Variants in EBF1 observed in about 807,000 individuals in gnomAD.
The protein encoded by EBF1 is EBF transcription factor 1, also known as transcription factor COE1.
In EBF1, 10 loss-of-function variants were observed where a neutral mutation model predicts 68.4. That is an observed-to-expected ratio of 0.15 (90% confidence interval 0.09 to 0.25). EBF1 has a LOEUF of 0.25. Among genes scored for constraint, EBF1 ranks in the 10% least tolerant of loss-of-function variants. EBF1 has a pLI of 1.00. For missense variants in EBF1, 509 were observed against 794.4 expected (o/e 0.64, Z 4.32); for synonymous variants, 298 against 299.8 (o/e 0.99, Z 0.06).
At chr5:158,739,396 A>C (rs905121415) in intron 10 of EBF1, among the ~76,000 whole-genome samples, 1 of 152,264 alleles carries the variant, frequency 6.6e-6, no homozygotes, top group Non-Finnish European at 1.5e-5. Context: ...TGCTCTGAAC[A>C]GCATGGCCGT....
intron 6 of EBF1, among the ~76,000 whole-genome samples, chr5:158,900,987 ATAT>A (rs1297470849): frequency 4.6e-5 from 7 of 152,240 alleles, no homozygotes; most frequent in African/African-American, 1.7e-4. Flanking sequence ...GCAACCTTAC[ATAT>A]TACTCAAGAA....
chr5:158,796,554 G>T, intron 8 of EBF1, 79 bp from the exon 9 acceptor site: 2 of 1,389,904 alleles, frequency 1.4e-6, no homozygotes, highest in Admixed American at 2.5e-5. Flanking sequence ...TGAGAAAAAG[G>T]AAAAAAAAAA....
intron 5 of EBF1, chr5:159,073,741 C>T (rs1778249560): frequency 1.1e-5 from 5 of 435,350 alleles, no homozygotes; most frequent in Non-Finnish European, 2.1e-5. Flanking sequence ...CCATGACTGC[C>T]CGCGGTGCTG....
chr5:158,953,596 G>C (rs1816476127), intron 6 of EBF1, among the ~76,000 whole-genome samples: 4 of 152,178 alleles, frequency 2.6e-5, no homozygotes, highest in Admixed American at 2.6e-4. Flanking sequence ...AGAGAGGGAA[G>C]GGAAGATTTA....
chr5:158,699,763 A>G (rs1172690217), intron 15 of EBF1, among the ~76,000 whole-genome samples: 1 of 152,198 alleles, frequency 6.6e-6, no homozygotes, highest in East Asian at 1.9e-4. Flanking sequence ...GAAACTGCAG[A>G]ATGTCTTCCA....
chr5:158,733,605 C>T (rs1038700708), intron 10 of EBF1, among the ~76,000 whole-genome samples: 10 of 152,106 alleles, frequency 6.6e-5, no homozygotes, highest in African/African-American at 2.4e-4. Context: ...ACATATTAAA[C>T]TCATTATTCA....
Position 158,821,080 on chromosome 5 carries a change from C to T in EBF1, c.778+2096G>A, listed in dbSNP as rs75215388. ...GAGGGGCACCAGAGCGTGTACTTGCCTGTCTTCTCAGCCTCCACCCAGCCC... is the reference window on the plus strand; with the variant it reads ...GAGGGGCACCAGAGCGTGTACTTGCTTGTCTTCTCAGCCTCCACCCAGCCC... On this transcript the variant is annotated intron_variant, in intron 8 of 15. Coordinates refer to ENST00000313708, the MANE Select transcript of EBF1 (RefSeq NM_024007.5). Among the ~76,000 whole-genome samples the T allele has an allele frequency of 6.8e-3, 1,036 of 152,322 alleles. 10 individuals carry two copies. Among genetic ancestry groups the T allele is most frequent in the African/African-American group, 0.023 (958 of 41,578 alleles).
chr5:158,994,913 A>G (rs1761105091), intron 6 of EBF1, among the ~76,000 whole-genome samples: 1 of 152,232 alleles, frequency 6.6e-6, no homozygotes, highest in South Asian at 2.1e-4. Context: ...TGAATTTAAC[A>G]CTTCAGAAAT....
chr5:159,074,759 T>A (rs1044802503), intron 5 of EBF1, among the ~76,000 whole-genome samples: 2 of 152,232 alleles, frequency 1.3e-5, no homozygotes, highest in African/African-American at 4.8e-5. Context: ...GAGTAAGAAC[T>A]GTATCTCCTT....
rs17056111 is a variant in EBF1 at position 158,710,942 on chromosome 5, G to A, written c.1549+1212C>T. Among the ~76,000 whole-genome samples, 320 of 152,314 alleles carry A rather than the reference G, an allele frequency of 2.1e-3. 12 individuals carry two copies. In the East Asian group the frequency reaches 0.049, roughly 24 times the overall value. Reference sequence around the variant, plus strand: ...CCAAGATGAACTTCAAAGTCAGAGCGAGATCAAGAGATTGTGAGAACACGG... The same window carrying A: ...CCAAGATGAACTTCAAAGTCAGAGCAAGATCAAGAGATTGTGAGAACACGG... On this transcript the variant is annotated intron_variant, in intron 14 of 15. Transcript: ENST00000313708.
At chr5:158,976,870 T>G (rs748931514) in intron 6 of EBF1, among the ~76,000 whole-genome samples, 2 of 152,184 alleles carry the variant, frequency 1.3e-5, no homozygotes, top group Non-Finnish European at 2.9e-5. Context: ...GCTAAAATAT[T>G]TATTAGTGAG....
chr5:158,870,972 A>T lies in EBF1; in HGVS notation c.555-30862T>A, dbSNP rs138556211. Among the ~76,000 whole-genome samples, 198 of 152,332 alleles carry T rather than the reference A, an allele frequency of 1.3e-3. 1 individual carries two copies. Among genetic ancestry groups the T allele is most frequent in the African/African-American group, 4.3e-3 (178 of 41,572 alleles). ...ACGAAGCAGCAAACTTACAATTAAA[A>T]AGTCTATAGGACAGACTGGGACCAA... is the stretch of plus-strand genomic sequence containing the variant. On this transcript the variant is annotated intron_variant, in intron 6 of 15. Coordinates refer to ENST00000313708, the MANE Select transcript of EBF1 (RefSeq NM_024007.5).
At chr5:158,709,309 T>C (rs924388817) in intron 14 of EBF1, among the ~76,000 whole-genome samples, 9 of 150,706 alleles carry the variant, frequency 6.0e-5, no homozygotes, top group Non-Finnish European at 1.0e-4. Context: ...CAACCTTAAG[T>C]CGGGGCCTAT....
intron 11 of EBF1, among the ~76,000 whole-genome samples, chr5:158,729,737 T>C (rs1176901441): frequency 6.6e-6 from 1 of 152,250 alleles, no homozygotes; most frequent in Non-Finnish European, 1.5e-5. Flanking sequence ...GAAGTGAGGT[T>C]GTTCTTGGAA....
chr5:158,851,034 A>G (rs911481395), intron 6 of EBF1, among the ~76,000 whole-genome samples: 1 of 151,958 alleles, frequency 6.6e-6, no homozygotes, highest in South Asian at 2.1e-4. Context: ...TAGAAATAAA[A>G]ATAAAATTTC....
intron 6 of EBF1, among the ~76,000 whole-genome samples, chr5:158,968,440 A>C (rs565238240): frequency 1.3e-5 from 2 of 152,236 alleles, no homozygotes; most frequent in African/African-American, 4.8e-5. Flanking sequence ...GGCAATAAAT[A>C]CAAATTATGA....
chr5:158,948,542 G>A (rs747262915), intron 6 of EBF1, among the ~76,000 whole-genome samples: 1 of 152,174 alleles, frequency 6.6e-6, no homozygotes, highest in Non-Finnish European at 1.5e-5. Flanking sequence ...CAGCTTGAAA[G>A]GGGAGAGCCA....
intron 14 of EBF1, among the ~76,000 whole-genome samples, chr5:158,710,578 G>A (rs960875212): frequency 2.6e-5 from 4 of 152,122 alleles, no homozygotes; most frequent in Non-Finnish European, 5.9e-5. Context: ...CAGATTATTT[G>A]GGGAGTTGTA....
At chr5:158,977,977 C>G (rs547628430) in intron 6 of EBF1, among the ~76,000 whole-genome samples, 2 of 152,192 alleles carry the variant, frequency 1.3e-5, no homozygotes, top group Non-Finnish European at 2.9e-5. Context: ...GATGGCCAGA[C>G]AAAGGGAAGA....
Sources: gnomAD v4.1 joint callset for allele counts (sites outside exome capture counted in the v4.1 genomes callset) on GRCh38, gnomAD v4.1.1 for gene constraint, MANE v1.5 for transcripts, NCBI Gene and HGNC (gene_info 2026-07-23, HGNC 2026-07-21) for gene names.